Variants in MAST4 observed in about 807,000 individuals in gnomAD.
The protein encoded by MAST4 is microtubule-associated serine/threonine-protein kinase 4.
A neutral mutation model predicts 162.7 loss-of-function variants in MAST4; 89 were observed. The ratio of observed to expected loss-of-function variants is 0.55; its 90% CI spans 0.46 to 0.65. The LOEUF is 0.65. Among genes scored for constraint, MAST4 ranks in the 30% least tolerant of loss-of-function variants. The pLI, the probability that MAST4 is intolerant of heterozygous loss-of-function variation, is 0.00. For missense variants in MAST4, 3,153 were observed against 3,374.0 expected (o/e 0.93, Z 1.62); for synonymous variants, 1,479 against 1,361.1 (o/e 1.09, Z -1.91).
rs77685183 is a variant in MAST4, at chr5:66,683,463, A to G, written c.364-76246A>G. ...CCTGATGTAGTAAATATCTGTCTCC[A>G]TAGTGCTGTTTTTACACGTCCTGTC... On this transcript the variant is annotated intron_variant, in intron 1 of 28. Transcript: ENST00000403625. 5.8e-4 allele frequency among the ~76,000 whole-genome samples: 88 copies of G among 152,248 alleles called. No homozygotes were observed. In the East Asian group the frequency reaches 0.017, roughly 29 times the overall value.
chr5:66,942,036 C>T (rs1394939493), intron 4 of MAST4, among the ~76,000 whole-genome samples: 1 of 151,930 alleles, frequency 6.6e-6, no homozygotes, highest in Non-Finnish European at 1.5e-5. Context: ...CATAGATTAT[C>T]ATAAAAGATG....
intron 3 of MAST4, among the ~76,000 whole-genome samples, chr5:66,863,074 A>G (rs1268475605): frequency 6.6e-6 from 1 of 152,260 alleles, no homozygotes; most frequent in African/African-American, 2.4e-5. Flanking sequence ...TTGCATCAGG[A>G]ATCCAATCCC....
chr5:67,145,303 T>C lies in MAST4; in HGVS notation c.3018T>C (p.Leu1006=), dbSNP rs779698964. 6.2e-7 allele frequency: 1 copy of C among 1,613,758 alleles called. No homozygotes were observed. The highest frequency in any genetic ancestry group is 1.1e-5 in the South Asian group (1 of 91,076). The stretch of plus-strand genomic sequence containing the variant: ...ATGAGGAGCCAGGAAAGCCAGCCCT[T>C]CCTCCTGAAGAGTGTGCCCAGGAGG... The part of the protein sequence containing the change: ...DPHEEPGKPA[L]PPEECAQEEP... The change falls in exon 23 of 29, where the codon CTT becomes CTC. Residue 1006 remains leucine (L), a synonymous_variant. Coordinates refer to ENST00000403625, the MANE Select transcript of MAST4 (RefSeq NM_001164664.2).
At chr5:66,969,747 A>C (rs1198259270) in intron 4 of MAST4, among the ~76,000 whole-genome samples, 1 of 152,212 alleles carries the variant, frequency 6.6e-6, no homozygotes, top group East Asian at 1.9e-4. Context: ...TCTCCTTTTC[A>C]CAGGGAACCT....
At chr5:66,986,606 A>AT in intron 4 of MAST4, 1 of 234,938 alleles carries the variant, frequency 4.3e-6, no homozygotes, top group Non-Finnish European at 7.4e-6. Flanking sequence ...GAATTTATAT[A>AT]TATATATATA....
In MAST4 at chr5:66,964,160, T is replaced by G. The variant is rs1188891694; in HGVS notation, c.674+64178T>G. The stretch of plus-strand genomic sequence containing the variant: ...ATAATACCTGTTGCCTCAAACTATT[T>G]TATACACTATTATTTACAGGATAAT... On this transcript the variant is annotated intron_variant, in intron 4 of 28. Coordinates refer to ENST00000403625, the MANE Select transcript of MAST4 (RefSeq NM_001164664.2). 1.2e-5 allele frequency: 5 copies of G among 429,002 alleles called. No individual in the cohort carries two copies. In the East Asian group the frequency reaches 3.4e-4, roughly 29 times the overall value. The allele number at this position is 429,002 out of a possible 1,614,324, so 26.6% of individuals were successfully genotyped here. A position where few individuals can be genotyped will look rare whatever the true frequency, so the allele number is the denominator to read the frequency against.
At chr5:66,597,370 G>A (rs1742258776) in intron 1 of MAST4, among the ~76,000 whole-genome samples, 1 of 152,354 alleles carries the variant, frequency 6.6e-6, no homozygotes, top group South Asian at 2.1e-4. Context: ...ATTCTCCAAA[G>A]TGGGCGTTGT....
intron 17 of MAST4, 41 bp downstream of exon 17, chr5:67,133,687 T>C: frequency 6.8e-6 from 11 of 1,606,644 alleles, no homozygotes; most frequent in Non-Finnish European, 9.4e-6. Flanking sequence ...AAATACAAAG[T>C]ATGGTATTGC....
At chr5:66,897,260 C>A (rs1762741505) in intron 3 of MAST4, among the ~76,000 whole-genome samples, 2 of 152,292 alleles carry the variant, frequency 1.3e-5, no homozygotes, top group South Asian at 4.1e-4. Context: ...GGGTTTATGA[C>A]CCAGACCAAT....
At chr5:67,151,268 A>G (rs1771774636) in intron 24 of MAST4, among the ~76,000 whole-genome samples, 1 of 152,240 alleles carries the variant, frequency 6.6e-6, no homozygotes, top group Non-Finnish European at 1.5e-5. Context: ...GAGCCTGGGA[A>G]GTCCAAGATC....
chr5:66,907,202 A>T (rs1481652264), intron 4 of MAST4, among the ~76,000 whole-genome samples: 1 of 91,656 alleles, frequency 1.1e-5, no homozygotes, highest in African/African-American at 4.3e-5. Context: ...AGAGAGAGAG[A>T]GAGAGTCCTG....
chr5:66,750,631 G>T (rs888363581), intron 1 of MAST4, among the ~76,000 whole-genome samples: 43 of 152,350 alleles, frequency 2.8e-4, no homozygotes, highest in African/African-American at 9.9e-4. Context: ...CCCGCACCTG[G>T]CTCTGAGGGT....
At chr5:67,079,528 C>G (rs1017332236) in intron 5 of MAST4, among the ~76,000 whole-genome samples, 1 of 152,116 alleles carries the variant, frequency 6.6e-6, no homozygotes, top group South Asian at 2.1e-4. Context: ...AAGTCTGGTA[C>G]AGAGCCTGAC....
intron 2 of MAST4, 63 bp from the exon 3 acceptor site, chr5:66,788,607 C>CCAAACAAAAAAAAAAAAAAAA: frequency 7.3e-7 from 1 of 1,373,726 alleles, no homozygotes. Flanking sequence ...CCCCCACCCC[C>CCAAACAAAAAAAAAAAAAAAA]ATTGCAATAA....
chr5:66,845,126 T>TATATATATATACACACAC (rs1358855625), intron 3 of MAST4, among the ~76,000 whole-genome samples: 5 of 67,174 alleles, frequency 7.4e-5, no homozygotes, highest in East Asian at 8.0e-4. Context: ...TATATATATA[T>TATATATATATACACACAC]ACACACACAC....
intron 1 of MAST4, among the ~76,000 whole-genome samples, chr5:66,605,217 T>C (rs1742807158): frequency 1.3e-5 from 2 of 152,184 alleles, no homozygotes; most frequent in Non-Finnish European, 2.9e-5. Context: ...AGAGTGGCTC[T>C]GAGGATACTT....
intron 4 of MAST4, among the ~76,000 whole-genome samples, chr5:66,952,331 T>C (rs75234403): frequency 0.071 from 10,803 of 152,238 alleles, 1,191 homozygotes; most frequent in African/African-American, 0.24. Flanking sequence ...ACTTAAGATA[T>C]GTTCTTCAGT....
Position 66,854,700 on chromosome 5 carries a change from G to A in MAST4, c.643-45251G>A, listed in dbSNP as rs150010460. 2.1e-4 allele frequency among the ~76,000 whole-genome samples: 32 copies of A among 152,166 alleles called. 1 individual carries two copies. The South Asian group carries it at 4.4e-3, about 21-fold the overall frequency. ...TGGGAAGTGACACCTCCTCACTTCC[G>A]TTGTATTCTAGTCCTTAGAAGTGAA... On this transcript the variant is annotated intron_variant, in intron 3 of 28. Coordinates refer to ENST00000403625, the MANE Select transcript of MAST4 (RefSeq NM_001164664.2).
At chr5:66,747,097 GGTGTGTGTGT>G (rs138318051) in intron 1 of MAST4, among the ~76,000 whole-genome samples, 61 of 146,102 alleles carry the variant, frequency 4.2e-4, no homozygotes, top group African/African-American at 9.3e-4. Flanking sequence ...GCATGCGCAT[GGTGTGTGTGT>G]GTGTGTGTGT....
Sources: gnomAD v4.1 joint callset for allele counts (sites outside exome capture counted in the v4.1 genomes callset) on GRCh38, gnomAD v4.1.1 for gene constraint, MANE v1.5 for transcripts, NCBI Gene and HGNC (gene_info 2026-07-23, HGNC 2026-07-21) for gene names.